Variants in DEGS2 observed in about 807,000 individuals in gnomAD.
DEGS2 encodes sphingolipid delta(4)-desaturase/C4-monooxygenase DES2.
DEGS2 carries 19 observed loss-of-function variants against 23.8 expected under a neutral mutation model. That is an observed-to-expected ratio of 0.80 (90% CI 0.56 to 1.17). DEGS2 has a LOEUF of 1.17. Ranked by LOEUF, DEGS2 falls within the 50% of genes most tolerant of loss-of-function variation. The pLI is 0.00. For missense variants in DEGS2, 390 were observed against 459.5 expected (o/e 0.85, Z 1.38); for synonymous variants, 218 against 213.7 (o/e 1.02, Z -0.18).
upstream of DEGS2, among the ~76,000 whole-genome samples, chr14:100,163,411 C>T (rs1280520939): frequency 6.6e-6 from 1 of 152,144 alleles, no homozygotes; most frequent in Non-Finnish European, 1.5e-5. Flanking sequence ...TACTGCACTC[C>T]AGCCTGGGAG....
rs531024506 is a variant in DEGS2, at chr14:100,145,046, A to C, written c.*1715T>G. On this transcript the variant is annotated 3_prime_UTR_variant, in exon 3 of 3. Coordinates refer to ENST00000305631, the MANE Select transcript of DEGS2 (RefSeq NM_206918.3). ...GGCACTTTTAACCCAGGGCCTGCAG[A>C]CCACAGCTCAGAGCTGCTCTCTCCC... The C allele has an allele frequency of 1.3e-5, 2 of 152,380 alleles. No individual in the cohort carries two copies. The highest frequency in any genetic ancestry group is 2.9e-5 in the Non-Finnish European group (2 of 68,210). The allele number at this position is 152,380 out of a possible 1,614,324, so 9.4% of individuals were successfully genotyped here.
intron 1 of DEGS2, among the ~76,000 whole-genome samples, chr14:100,151,978 G>A (rs1889579705): frequency 6.6e-6 from 1 of 152,186 alleles, no homozygotes; most frequent in Admixed American, 6.5e-5. Context: ...ATGTGCAGGA[G>A]AGGGTCGTGG....
At chr14:100,148,880 C>T (rs1889506296) in intron 2 of DEGS2, 88 bp downstream of exon 2, 3 of 1,434,664 alleles carry the variant, frequency 2.1e-6, no homozygotes, top group Non-Finnish European at 2.8e-6. Context: ...GGCTGCTGGG[C>T]ATGGCCCAAG....
intron 1 of DEGS2, 79 bp from the exon 2 acceptor site, chr14:100,149,789 C>G: frequency 6.9e-7 from 1 of 1,439,026 alleles, no homozygotes; most frequent in Non-Finnish European, 9.4e-7. Flanking sequence ...CTGCAGTGGC[C>G]GAGGGGTGAG....
At chr14:100,162,650 T>C (rs1489519037), upstream of DEGS2, among the ~76,000 whole-genome samples, 2 of 152,190 alleles carry the variant, frequency 1.3e-5, no homozygotes, top group Non-Finnish European at 2.9e-5. Flanking sequence ...AGGGACTCTT[T>C]GGACTGGAAA....
Position 100,149,315 on chromosome 14 carries a change from G to A in DEGS2, c.478C>T (p.Leu160=), listed in dbSNP as rs1167836642. 5 of 1,612,206 alleles carry A rather than the reference G, an allele frequency of 3.1e-6. No individual in the cohort carries two copies. The highest frequency in any genetic ancestry group is 4.2e-6 in the Non-Finnish European group (5 of 1,179,596). ...GWFFCTPARK[L]LWLVLQPFFY... is the part of the protein sequence containing the mutation. ...AAGGGCTGCAGCACCAGCCAGAGCA[G>A]CTTGCGGGCGGGTGTGCAGAAGAAC... The change falls in exon 2 of 3, where the codon CTG becomes TTG. Residue 160 remains leucine (L), a synonymous_variant. Transcript: ENST00000305631.
At chr14:100,150,854 G>A (rs1425023391) in intron 1 of DEGS2, among the ~76,000 whole-genome samples, 1 of 151,894 alleles carries the variant, frequency 6.6e-6, no homozygotes, top group Non-Finnish European at 1.5e-5. Flanking sequence ...CACACAGAAG[G>A]ACAGCAGCGC....
rs771367330 is a variant in DEGS2, at chr14:100,149,636, C to G, written c.157G>C (p.Val53Leu). ...ACCAGCCAGCAGGCCAGCATCTGCACCAGCACCAGCACCAGCACCGCCCAC... is the reference window on the plus strand; with the variant it reads ...ACCAGCCAGCAGGCCAGCATCTGCAGCAGCACCAGCACCAGCACCGCCCAC... ...LKWAVLVLVL[V>L]QMLACWLVRG... The change falls in exon 2 of 3, where the codon GTG (valine) becomes CTG (leucine). Residue 53 changes from valine to leucine, a missense_variant. Coordinates refer to ENST00000305631, the MANE Select transcript of DEGS2 (RefSeq NM_206918.3). 3 of 1,608,690 alleles carry G rather than the reference C, an allele frequency of 1.9e-6. No individual in the cohort carries two copies. The African/African-American group carries it at 4.0e-5, about 21-fold the overall frequency.
At chr14:100,152,963 G>A (rs61991314) in intron 1 of DEGS2, among the ~76,000 whole-genome samples, 4,077 of 152,194 alleles carry the variant, frequency 0.027, 82 homozygotes, top group Non-Finnish European at 0.04. Context: ...AAGATAGATC[G>A]ATATATCGAT....
In DEGS2 at chr14:100,149,586, C is replaced by T; in HGVS notation, c.207G>A (p.Leu69=). The T allele has an allele frequency of 6.2e-7, 1 of 1,609,232 alleles. No individual in the cohort carries two copies. Among genetic ancestry groups the T allele is most frequent in the South Asian group, 1.1e-5 (1 of 90,808 alleles). ...CACCAAAGGCGTAGGCCCAGAACAGCAGCCAGCGCCAGGCCAGCCCGCGCA... is the reference window on the plus strand; with the variant it reads ...CACCAAAGGCGTAGGCCCAGAACAGTAGCCAGCGCCAGGCCAGCCCGCGCA... ...WLVRGLAWRW[L]LFWAYAFGGC... Residue 69 remains leucine, a synonymous_variant, in exon 2 of 3, where the codon CTG becomes CTA. Coordinates refer to ENST00000305631, the MANE Select transcript of DEGS2 (RefSeq NM_206918.3).
the DEGS2 span, among the ~76,000 whole-genome samples, chr14:100,166,565 T>G: frequency 6.6e-6 from 1 of 152,004 alleles, no homozygotes. Flanking sequence ...CATGAAATGC[T>G]CCGGTGATGC....
intron 2 of DEGS2, 123 bp from the exon 3 acceptor site, chr14:100,147,030 T>TGCGC: frequency 8.5e-7 from 1 of 1,171,894 alleles, no homozygotes; most frequent in East Asian, 2.4e-5. Flanking sequence ...CGAACATGTT[T>TGCGC]GCGCGCGCGC....
the DEGS2 span, among the ~76,000 whole-genome samples, chr14:100,165,097 G>A: frequency 6.6e-6 from 1 of 152,116 alleles, no homozygotes; most frequent in African/African-American, 2.4e-5. Context: ...CCCCTCCTAG[G>A]ACTAGAGATT....
intron 1 of DEGS2, among the ~76,000 whole-genome samples, chr14:100,157,146 C>T (rs1889671421): frequency 6.6e-6 from 1 of 152,204 alleles, no homozygotes; most frequent in Non-Finnish European, 1.5e-5. Flanking sequence ...ACCTTCCCAG[C>T]TGAGATATCA....
At chr14:100,149,752 G>GC in intron 1 of DEGS2, 42 bp from the exon 2 acceptor site, 1 of 1,546,554 alleles carries the variant, frequency 6.5e-7, no homozygotes, top group Non-Finnish European at 8.7e-7. Context: ...GCTCGGTGGG[G>GC]CTGCACCCCG....
At position 100,146,781 on chromosome 14, in the gene DEGS2, G is replaced by A. The variant is rs1353552599; in HGVS notation, c.952C>T (p.Leu318=). 1.9e-6 allele frequency: 3 copies of A among 1,613,532 alleles called. No individual in the cohort carries two copies. In the African/African-American group the frequency reaches 4.0e-5, roughly 22 times the overall value. The change falls in exon 3 of 3, where the codon CTG becomes TTG. Residue 318 remains leucine, a synonymous_variant. Transcript: ENST00000305631. ...CGGGCTCACAGACCATCTTTTGCCA[G>A]CCTGTACACCCGCTTCACCCTGGCA... is the stretch of plus-strand genomic sequence containing the variant. ...PYARVKRVYR[L]AKDGL is the part of the protein sequence containing the mutation.
In DEGS2 at chr14:100,146,437, T is replaced by A; in HGVS notation, c.*324A>T. On this transcript the variant is annotated 3_prime_UTR_variant, in exon 3 of 3. Coordinates refer to ENST00000305631, the MANE Select transcript of DEGS2 (RefSeq NM_206918.3). ...CATGGGCTGTGAAACAAACGCCGGG[T>A]TTAATGTAGGGCACAGGCACCCCGG... 1 of 280,464 alleles carries A rather than the reference T, an allele frequency of 3.6e-6. No individual in the cohort carries two copies. Among genetic ancestry groups the A allele is most frequent in the Non-Finnish European group, 6.7e-6 (1 of 149,410 alleles). The allele number at this position is 280,464 out of a possible 1,614,324, so 17.4% of individuals were successfully genotyped here.
chr14:100,152,039 C>T (rs1239531957), intron 1 of DEGS2, among the ~76,000 whole-genome samples: 1 of 152,006 alleles, frequency 6.6e-6, no homozygotes, highest in African/African-American at 2.4e-5. Context: ...GAAGCCAGGG[C>T]TTGGAGGTGG....
chr14:100,166,297 GCCCGGGGC>G, the DEGS2 span, among the ~76,000 whole-genome samples: 6,547 of 56,526 alleles, frequency 0.12, 1,423 homozygotes, highest in African/African-American at 0.28. Context: ...GGGGGAGCCT[GCCCGGGGC>G]TGTGGGGGAG....
Sources: allele counts gnomAD v4.1 joint callset (sites outside exome capture counted in the v4.1 genomes callset), GRCh38; gene constraint gnomAD v4.1.1; transcripts MANE v1.5; gene names NCBI Gene and HGNC (gene_info 2026-07-23, HGNC 2026-07-21).